The following BNIP3 variants were observed in gnomAD, a reference collection of about 807,000 sequenced individuals.
BNIP3 encodes the protein BCL2 interacting protein 3.
A neutral mutation model predicts 23.9 loss-of-function variants in BNIP3; 16 were observed. The observed-to-expected ratio is 0.67, with a 90% CI of 0.45 to 1.01. The LOEUF (loss-of-function observed/expected upper bound fraction) is 1.01, where lower values mean the gene tolerates loss of function less well. Ranked by LOEUF, BNIP3 falls within the 50% of genes least tolerant of loss-of-function variation. The pLI is 0.00. For missense variants in BNIP3, 198 were observed against 248.7 expected (o/e 0.80, Z 1.37); for synonymous variants, 81 against 89.3 (o/e 0.91, Z 0.53).
At position 131,970,711 on chromosome 10, in the gene BNIP3, T is replaced by C; in HGVS notation, c.466A>G (p.Ile156Val). ...RNTSVMKKGGIFSAEFLKVFL... is the reference protein window; with the variant it reads ...RNTSVMKKGGVFSAEFLKVFL... ...ACTTTCAGAAATTCTGCAGAGAATA[T>C]GCCCCCTTTCTTCATGACGCTCGTG... Residue 156 changes from isoleucine to valine, a missense_variant, in exon 5 of 6, where the codon ATA becomes GTA. By Grantham distance (29) the Ile-to-Val change is conservative. Transcript: ENST00000368636. This position sits in a 1 kb window ranked among gnomAD's most constrained non-coding sequence, Gnocchi z 4.1. 3 of 1,614,212 alleles carry C rather than the reference T, an allele frequency of 1.9e-6. No homozygotes were observed. Among genetic ancestry groups the C allele is most frequent in the Non-Finnish European group, 2.5e-6 (3 of 1,180,040 alleles).
chr10:131,981,730 C>T, intron 1 of BNIP3, 31 bp downstream of exon 1: 1 of 1,465,130 alleles, frequency 6.8e-7, no homozygotes. Context: ...CCCGCGCCCC[C>T]TCGGCTCCCG....
At position 131,981,418 on chromosome 10, in the gene BNIP3, A is replaced by G. The variant is rs1292737327; in HGVS notation, c.46+343T>C. 4 of 364,840 alleles carry G rather than the reference A, an allele frequency of 1.1e-5. No individual in the cohort carries two copies. In the East Asian group the frequency reaches 1.7e-4, roughly 15 times the overall value. The allele number at this position is 364,840 out of a possible 1,614,324, so 22.6% of individuals were successfully genotyped here. Reference sequence around the variant, plus strand: ...ACCGCGGAGGGCAACGTGGACTTTGAGGCTGTTCGGTCCAACTGCGAGACG... The same window carrying G: ...ACCGCGGAGGGCAACGTGGACTTTGGGGCTGTTCGGTCCAACTGCGAGACG... On this transcript the variant is annotated intron_variant, in intron 1 of 5. Coordinates refer to ENST00000368636, the MANE Select transcript of BNIP3 (RefSeq NM_004052.4).
At position 131,978,549 on chromosome 10, in the gene BNIP3, C is replaced by T. The variant is rs920997313; in HGVS notation, c.46+3212G>A. On this transcript the variant is annotated intron_variant, in intron 1 of 5. Coordinates refer to ENST00000368636, the MANE Select transcript of BNIP3 (RefSeq NM_004052.4). Reference sequence around the variant, plus strand: ...AACATGGATTCATGGGCCACAGCCACGAGCCCCACGTGGAGTAAACACAGG... The same window carrying T: ...AACATGGATTCATGGGCCACAGCCATGAGCCCCACGTGGAGTAAACACAGG... Among the ~76,000 whole-genome samples the T allele has an allele frequency of 6.6e-5, 10 of 152,164 alleles. No individual in the cohort carries two copies. The South Asian group carries it at 1.5e-3, about 22-fold the overall frequency.
chr10:131,977,541 C>G (rs2037089015), intron 1 of BNIP3, among the ~76,000 whole-genome samples: 1 of 152,216 alleles, frequency 6.6e-6, no homozygotes, highest in South Asian at 2.1e-4. Context: ...GCACCAACAT[C>G]TGGTGTCGGC....
intron 1 of BNIP3, among the ~76,000 whole-genome samples, chr10:131,979,870 TTC>T (rs1353077967): frequency 6.6e-6 from 1 of 152,236 alleles, no homozygotes; most frequent in Non-Finnish European, 1.5e-5. Context: ...GCTCCCATTG[TTC>T]TCTGTTCCGA....
rs2037014951 is a variant in BNIP3 at position 131,970,216 on chromosome 10, G to GA, written c.539+421dup. On this transcript the variant is annotated intron_variant, in intron 5 of 5. Transcript: ENST00000368636. The surrounding 1 kb of genome is among the most constrained non-coding windows in gnomAD (Gnocchi z 4.1). ...ACTGCATTGGTTCCTTCATTGCTGA[G>GA]AGTTACTAGAACAACAGTCCTGTCT... is the stretch of plus-strand genomic sequence containing the variant. 1.1e-5 allele frequency: 2 copies of GA among 182,186 alleles called. No individual in the cohort carries two copies. The highest frequency in any genetic ancestry group is 2.3e-5 in the Non-Finnish European group (2 of 87,882). 11.3% of individuals were successfully genotyped at this position (182,186 alleles called of 1,614,324 possible). A position where few individuals can be genotyped will look rare whatever the true frequency, so the allele number is the denominator to read the frequency against.
intron 1 of BNIP3, 127 bp from the exon 2 acceptor site, chr10:131,974,070 C>G: frequency 8.1e-7 from 1 of 1,231,160 alleles, no homozygotes; most frequent in Non-Finnish European, 1.1e-6. Context: ...GGAACCATCC[C>G]TCAACCCCGA....
At chr10:131,974,114 G>A (rs2037062369) in intron 1 of BNIP3, among the ~76,000 whole-genome samples, 171 bp from the exon 2 acceptor site, 1 of 152,182 alleles carries the variant, frequency 6.6e-6, no homozygotes, top group Non-Finnish European at 1.5e-5. Flanking sequence ...TCTCATGGCA[G>A]TGACTGTCCA....
chr10:131,972,890 TG>T (rs2037047591), intron 3 of BNIP3, 143 bp downstream of exon 3: 1 of 764,294 alleles, frequency 1.3e-6, no homozygotes, highest in African/African-American at 1.8e-5. Flanking sequence ...TTGGTTTTTT[TG>T]TTTCGCTTTT....
rs765667196 is a variant in BNIP3, at chr10:131,981,844, C to G, written c.-38G>C. 371 of 1,419,660 alleles carry G rather than the reference C, an allele frequency of 2.6e-4. No individual in the cohort carries two copies. Among genetic ancestry groups the G allele is most frequent in the Admixed American group, 3.8e-4 (12 of 31,208 alleles). 87.9% of individuals were successfully genotyped at this position (1,419,660 alleles called of 1,614,324 possible). On this transcript the variant is annotated 5_prime_UTR_variant, in exon 1 of 6. Coordinates refer to ENST00000368636, the MANE Select transcript of BNIP3 (RefSeq NM_004052.4). ...CAACTGCGGCGATCGGAGTCCGCGC[C>G]GGGCTGCGGGATGTGCTTCAGCTGC...
chr10:131,968,603 T>A, intron 5 of BNIP3, 34 bp from the exon 6 acceptor site: 7 of 1,548,452 alleles, frequency 4.5e-6, no homozygotes, highest in Non-Finnish European at 6.2e-6. Flanking sequence ...TTAATGTATC[T>A]TGTGATTCAC....
At chr10:131,979,980 G>A (rs1334560736) in intron 1 of BNIP3, among the ~76,000 whole-genome samples, 1 of 152,222 alleles carries the variant, frequency 6.6e-6, no homozygotes, top group Non-Finnish European at 1.5e-5. Context: ...CCGCGGGACC[G>A]GCCAACCCCG....
At position 131,973,775 on chromosome 10, in the gene BNIP3, T is replaced by C. The variant is rs368584611; in HGVS notation, c.197+18A>G. ...GACATCGGCACTGTAACACATACACTTGTTGATGCGCGCCTACCTGTCACA... is the reference window on the plus strand; with the variant it reads ...GACATCGGCACTGTAACACATACACCTGTTGATGCGCGCCTACCTGTCACA... On this transcript the variant is annotated intron_variant, in intron 2 of 5. Transcript: ENST00000368636. 9 of 1,611,542 alleles carry C rather than the reference T, an allele frequency of 5.6e-6. No homozygotes were observed. In the African/African-American group the frequency reaches 8.0e-5, roughly 14 times the overall value.
rs2037122722 is a variant in BNIP3 at position 131,981,897 on chromosome 10, G to C, written c.-91C>G. 7.4e-7 allele frequency: 1 copy of C among 1,345,742 alleles called. No individual in the cohort carries two copies. The highest frequency in any genetic ancestry group is 9.5e-7 in the Non-Finnish European group (1 of 1,048,078). The allele number at this position is 1,345,742 out of a possible 1,614,324, so 83.4% of individuals were successfully genotyped here. ...GCGGTGGGAAAGCGGAGGTCGGAGC[G>C]CCGCGGCCCAGCTGCGCTCCCGGAC... is the stretch of plus-strand genomic sequence containing the variant. On this transcript the variant is annotated 5_prime_UTR_variant, in exon 1 of 6. Transcript: ENST00000368636.
intron 3 of BNIP3, 198 bp from the exon 4 acceptor site, chr10:131,971,168 C>T (rs1426385490): frequency 1.7e-5 from 10 of 584,632 alleles, no homozygotes; most frequent in African/African-American, 7.5e-5. Flanking sequence ...CGGCTCACAG[C>T]ACGCTCGCCG....
chr10:131,980,595 A>T (rs905487720), intron 1 of BNIP3: 1 of 107,480 alleles, frequency 9.3e-6, no homozygotes, highest in South Asian at 2.5e-4. Context: ...AAAAAAAGGT[A>T]AAAAAAAAAA....
At chr10:131,972,760 G>A (rs2037046012) in intron 3 of BNIP3, among the ~76,000 whole-genome samples, 1 of 152,210 alleles carries the variant, frequency 6.6e-6, no homozygotes. Context: ...CCTTTCCGGT[G>A]TATCCCTGAT....
Position 131,973,063 on chromosome 10 carries a change from G to A in BNIP3, c.253C>T (p.His85Tyr). The stretch of plus-strand genomic sequence containing the variant: ...GAGCTGTTTTTCTCTCCAATGCTAT[G>A]GGTATCTGTTTCAGAAGCTCTGTTG... Reference protein sequence around the residue: ...DTNRASETDTHSIGEKNSSQS... With the variant: ...DTNRASETDTYSIGEKNSSQS... Residue 85 changes from histidine to tyrosine, a missense_variant, in exon 3 of 6, where the codon CAT becomes TAT. Physicochemically the swap from His to Tyr is moderately conservative, Grantham distance 83. Coordinates refer to ENST00000368636, the MANE Select transcript of BNIP3 (RefSeq NM_004052.4). The A allele has an allele frequency of 5.6e-6, 9 of 1,613,762 alleles. No homozygotes were observed. The highest frequency in any genetic ancestry group is 7.6e-6 in the Non-Finnish European group (9 of 1,179,686).
chr10:131,972,060 C>G (rs2037038592), intron 3 of BNIP3, among the ~76,000 whole-genome samples: 1 of 152,094 alleles, frequency 6.6e-6, no homozygotes, highest in South Asian at 2.1e-4. Flanking sequence ...TCATCTGCAG[C>G]AAGGTAAGGC....
Sources: allele counts gnomAD v4.1 joint callset (sites outside exome capture counted in the v4.1 genomes callset), GRCh38; gene constraint gnomAD v4.1.1; non-coding constraint Gnocchi (gnomAD v3.1); transcripts MANE v1.5; gene names NCBI Gene and HGNC (gene_info 2026-07-23, HGNC 2026-07-21).